The following KALRN variants were observed in gnomAD, a reference collection of about 807,000 sequenced individuals.
The protein encoded by KALRN is kalirin RhoGEF kinase.
Under a neutral mutation model 353.7 loss-of-function variants are expected in KALRN, and 70 were observed. The observed-to-expected ratio is 0.20, with a 90% CI of 0.16 to 0.24. The LOEUF (loss-of-function observed/expected upper bound fraction) is 0.24, where lower values mean the gene tolerates loss of function less well. KALRN is among the 10% of genes least tolerant of loss of function. The probability of loss-of-function intolerance (pLI) is 1.00; values close to 1 mark genes in which losing one functional copy is unlikely to be tolerated. For synonymous variants in KALRN, 1,391 were observed against 1,434.8 expected (o/e 0.97, Z 0.69); for missense variants, 2,791 against 3,756.7 (o/e 0.74, Z 6.72).
chr3:124,048,343 G>A (rs2040705389), intron 1 of KALRN, among the ~76,000 whole-genome samples: 1 of 152,072 alleles, frequency 6.6e-6, no homozygotes, highest in African/African-American at 2.4e-5. Context: ...GCATGCACCT[G>A]TTGCATATAC....
In KALRN at chr3:124,165,203, A is replaced by C. The variant is rs190632200; in HGVS notation, c.74-62787A>C. ...TATACTTTACTGAATTATAAAATAT[A>C]ATCTTTAGAAAAACAAATTTGTTAT... On this transcript the variant is annotated intron_variant, in intron 1 of 59. Transcript: ENST00000682506. Among the ~76,000 whole-genome samples the C allele has an allele frequency of 1.6e-4, 24 of 152,356 alleles. No homozygotes were observed. In the East Asian group the frequency reaches 1.7e-3, roughly 11 times the overall value.
At chr3:124,261,914 C>G (rs368049228) in intron 3 of KALRN, among the ~76,000 whole-genome samples, 1 of 152,226 alleles carries the variant, frequency 6.6e-6, no homozygotes, top group African/African-American at 2.4e-5. Flanking sequence ...AGCCACTAAT[C>G]CCTGATAGAA....
intron 15 of KALRN, among the ~76,000 whole-genome samples, chr3:124,425,121 A>G (rs2092957590): frequency 6.6e-6 from 1 of 152,028 alleles, no homozygotes; most frequent in Non-Finnish European, 1.5e-5. Flanking sequence ...TAAGAGATAG[A>G]GAAGGGTAGA....
At chr3:124,456,948 TC>T (rs1372627219) in intron 23 of KALRN, among the ~76,000 whole-genome samples, 1 of 152,210 alleles carries the variant, frequency 6.6e-6, no homozygotes, top group African/African-American at 2.4e-5. Context: ...TTCAGTAACT[TC>T]CTAGACAAAC....
chr3:124,646,420 T>G (rs1004612312), intron 37 of KALRN, among the ~76,000 whole-genome samples: 8 of 148,252 alleles, frequency 5.4e-5, no homozygotes, highest in African/African-American at 2.0e-4. Flanking sequence ...AGACAGAGCC[T>G]TGCTGTGTCA....
intron 34 of KALRN, among the ~76,000 whole-genome samples, chr3:124,618,367 G>A (rs1000241128): frequency 2.0e-5 from 3 of 150,994 alleles, no homozygotes; most frequent in Admixed American, 1.3e-4. Flanking sequence ...CGCCCACCTC[G>A]GCCTCTCAAA....
At chr3:124,398,513 C>T (rs1395703153) in intron 12 of KALRN, among the ~76,000 whole-genome samples, 184 bp from the exon 13 acceptor site, 1 of 152,136 alleles carries the variant, frequency 6.6e-6, no homozygotes, top group Non-Finnish European at 1.5e-5. Flanking sequence ...ATGCATGTAG[C>T]TTTGGTTCAC....
intron 27 of KALRN, among the ~76,000 whole-genome samples, chr3:124,481,942 A>G (rs1321837428): frequency 6.6e-6 from 1 of 152,070 alleles, no homozygotes; most frequent in East Asian, 1.9e-4. Flanking sequence ...TCTCATCTAG[A>G]CTGTAAGCTT....
intron 10 of KALRN, among the ~76,000 whole-genome samples, chr3:124,379,494 T>C (rs2149876812): frequency 6.6e-6 from 1 of 152,324 alleles, no homozygotes; most frequent in Non-Finnish European, 1.5e-5. Flanking sequence ...AGCTTTATTC[T>C]GAGACACAAT....
intron 15 of KALRN, among the ~76,000 whole-genome samples, chr3:124,430,230 G>A (rs915538507): frequency 6.6e-6 from 1 of 152,176 alleles, no homozygotes. Flanking sequence ...TTTCTAGCAG[G>A]AGAGATTAGG....
intron 3 of KALRN, among the ~76,000 whole-genome samples, chr3:124,241,852 A>T (rs974158505): frequency 2.0e-5 from 3 of 152,216 alleles, no homozygotes; most frequent in Non-Finnish European, 2.9e-5. Flanking sequence ...AAGCCCCAAG[A>T]TAATTTTGCT....
At chr3:124,380,900 T>C (rs1287182945) in intron 10 of KALRN, among the ~76,000 whole-genome samples, 3 of 151,760 alleles carry the variant, frequency 2.0e-5, no homozygotes, top group African/African-American at 7.3e-5. Context: ...TGATGAGGAG[T>C]GAGGGTTGAA....
intron 1 of KALRN, among the ~76,000 whole-genome samples, chr3:124,083,277 C>T (rs1304567232): frequency 2.0e-5 from 3 of 152,074 alleles, no homozygotes; most frequent in Non-Finnish European, 2.9e-5. Context: ...GGTGGGAAGA[C>T]AGATGATAAT....
intron 51 of KALRN, among the ~76,000 whole-genome samples, chr3:124,683,027 G>A (rs964233251): frequency 2.6e-5 from 4 of 151,644 alleles, no homozygotes; most frequent in Non-Finnish European, 4.4e-5. Context: ...AAGATGACGA[G>A]TATCATCCAT....
At chr3:124,197,766 C>G (rs1385688556) in intron 1 of KALRN, among the ~76,000 whole-genome samples, 3 of 152,302 alleles carry the variant, frequency 2.0e-5, no homozygotes, top group East Asian at 1.9e-4. Context: ...TTATCAGGAG[C>G]CTTCCTATCT....
chr3:124,217,258 A>T (rs1283559656), intron 1 of KALRN, among the ~76,000 whole-genome samples: 1 of 152,224 alleles, frequency 6.6e-6, no homozygotes, highest in East Asian at 1.9e-4. Context: ...ATAGGTGCTC[A>T]ATAAATATTT....
intron 1 of KALRN, among the ~76,000 whole-genome samples, chr3:124,154,998 A>G (rs1173064659): frequency 6.6e-6 from 1 of 152,244 alleles, no homozygotes; most frequent in Admixed American, 6.5e-5. Context: ...GAGAAAAACA[A>G]GCAATGGGGA....
At chr3:124,348,162 G>A (rs1445189565) in intron 10 of KALRN, among the ~76,000 whole-genome samples, 1 of 151,212 alleles carries the variant, frequency 6.6e-6, no homozygotes, top group Non-Finnish European at 1.5e-5. Flanking sequence ...GTAAGGCAGG[G>A]AGGGTGCCCA....
At chr3:124,284,421 CCTT>C (rs1560458061) in intron 5 of KALRN, among the ~76,000 whole-genome samples, 1 of 152,192 alleles carries the variant, frequency 6.6e-6, no homozygotes, top group African/African-American at 2.4e-5. Context: ...GCAAACTACA[CCTT>C]CTTTGCCTGA....
Sources: gnomAD v4.1 joint callset for allele counts (sites outside exome capture counted in the v4.1 genomes callset) on GRCh38, gnomAD v4.1.1 for gene constraint, MANE v1.5 for transcripts, NCBI Gene and HGNC (gene_info 2026-07-23, HGNC 2026-07-21) for gene names.